Variants in DOCK5 observed in about 807,000 individuals in gnomAD.
The protein encoded by DOCK5 is dedicator of cytokinesis 5.
DOCK5 carries 142 observed loss-of-function variants against 251.8 expected under a neutral mutation model. That is an observed-to-expected ratio of 0.56 (90% CI 0.49 to 0.65). DOCK5 has a LOEUF of 0.65. Ranked by LOEUF, DOCK5 falls within the 30% of genes least tolerant of loss-of-function variation. The pLI, the probability that DOCK5 is intolerant of heterozygous loss-of-function variation, is 0.00. For synonymous variants in DOCK5, 842 were observed against 835.5 expected (o/e 1.01, Z -0.13); for missense variants, 2,111 against 2,312.3 (o/e 0.91, Z 1.79).
Position 25,345,631 on chromosome 8 carries a change from A to G in DOCK5, c.2754+20A>G, listed in dbSNP as rs753443336. Reference sequence around the variant, plus strand: ...GATGTGGTGAGTTGAGTCATCACTGATGCTGCACAGAGTTCACACTGTCCC... The same window carrying G: ...GATGTGGTGAGTTGAGTCATCACTGGTGCTGCACAGAGTTCACACTGTCCC... On this transcript the variant is annotated intron_variant, in intron 26 of 51. Transcript: ENST00000276440. The G allele has an allele frequency of 8.7e-6, 14 of 1,613,134 alleles. No individual in the cohort carries two copies. Among genetic ancestry groups the G allele is most frequent in the Non-Finnish European group, 1.2e-5 (14 of 1,179,650 alleles).
intron 22 of DOCK5, among the ~76,000 whole-genome samples, chr8:25,340,026 C>A (rs34499771): frequency 0.17 from 25,963 of 151,838 alleles, 2,251 homozygotes; most frequent in South Asian, 0.27. Context: ...TTTGATGGGG[C>A]AATGAGAGAA....
chr8:25,192,425 G>A (rs1295342741), intron 1 of DOCK5, among the ~76,000 whole-genome samples: 1 of 152,182 alleles, frequency 6.6e-6, no homozygotes, highest in Non-Finnish European at 1.5e-5. Flanking sequence ...CTTGTTCATC[G>A]TCACCTTGGT....
intron 3 of DOCK5, among the ~76,000 whole-genome samples, chr8:25,269,218 C>A (rs562189150): frequency 1.3e-5 from 2 of 152,306 alleles, no homozygotes; most frequent in South Asian, 4.1e-4. Flanking sequence ...ACCCTTCTCC[C>A]TTTGTCCTTT....
intron 11 of DOCK5, 136 bp downstream of exon 11, chr8:25,304,463 G>C: frequency 1.4e-6 from 1 of 719,192 alleles, no homozygotes; most frequent in Non-Finnish European, 2.2e-6. Context: ...TGTCAGATAG[G>C]AGCTGAACAG....
intron 1 of DOCK5, among the ~76,000 whole-genome samples, chr8:25,229,185 A>C (rs1648037145): frequency 6.6e-6 from 1 of 152,214 alleles, no homozygotes; most frequent in South Asian, 2.1e-4. Context: ...TTCTTGACTT[A>C]AACAAATTGC....
chr8:25,189,265 C>T (rs1801516238), intron 1 of DOCK5, among the ~76,000 whole-genome samples: 1 of 152,034 alleles, frequency 6.6e-6, no homozygotes. Context: ...TCTATATTGT[C>T]CAGGCTGATC....
chr8:25,403,504 T>G, intron 47 of DOCK5, 54 bp from the exon 48 acceptor site: 1 of 1,592,518 alleles, frequency 6.3e-7, no homozygotes, highest in South Asian at 1.1e-5. Flanking sequence ...CTGTGGCCAG[T>G]TCATAGGGGC....
Position 25,267,982 on chromosome 8 carries a change from C to T in DOCK5, c.128-863C>T, listed in dbSNP as rs558464503. On this transcript the variant is annotated intron_variant, in intron 2 of 51. Coordinates refer to ENST00000276440, the MANE Select transcript of DOCK5 (RefSeq NM_024940.8). The stretch of plus-strand genomic sequence containing the variant: ...GGTGCAAGAGATTCTCCTGCCTCAG[C>T]CTCCTGAGTAGCTGGGATTACAGGG... Among the ~76,000 whole-genome samples the T allele has an allele frequency of 1.4e-4, 21 of 152,118 alleles. No individual in the cohort carries two copies. In the East Asian group the frequency reaches 1.9e-3, roughly 14 times the overall value.
At chr8:25,300,439 G>C (rs958132655) in intron 8 of DOCK5, 137 bp from the exon 9 acceptor site, 47 of 722,844 alleles carry the variant, frequency 6.5e-5, no homozygotes, top group Admixed American at 1.1e-4. Context: ...CAACTCAGCT[G>C]TTTTCACACC....
At chr8:25,222,273 G>A (rs1802411771) in intron 1 of DOCK5, among the ~76,000 whole-genome samples, 1 of 152,190 alleles carries the variant, frequency 6.6e-6, no homozygotes, top group South Asian at 2.1e-4. Flanking sequence ...TTTCAAACGG[G>A]ATCTGAGAGG....
At chr8:25,344,326 G>A (rs1296636554) in intron 25 of DOCK5, among the ~76,000 whole-genome samples, 1 of 152,212 alleles carries the variant, frequency 6.6e-6, no homozygotes, top group Non-Finnish European at 1.5e-5. Flanking sequence ...AGACTTGCTA[G>A]AGTGAGGCAG....
chr8:25,330,233 T>C (rs1586334249), intron 18 of DOCK5, among the ~76,000 whole-genome samples: 1 of 152,148 alleles, frequency 6.6e-6, no homozygotes, highest in East Asian at 1.9e-4. Flanking sequence ...AATGATTGGG[T>C]TGAGCATATT....
At chr8:25,228,955 GCA>G (rs1359849360) in intron 1 of DOCK5, among the ~76,000 whole-genome samples, 4 of 151,578 alleles carry the variant, frequency 2.6e-5, no homozygotes, top group East Asian at 1.9e-4. Flanking sequence ...TGTGGGCTGG[GCA>G]CAGTGTCTCA....
intron 23 of DOCK5, 37 bp from the exon 24 acceptor site, chr8:25,341,702 C>T: frequency 2.0e-6 from 3 of 1,528,402 alleles, no homozygotes; most frequent in Non-Finnish European, 2.7e-6. Context: ...TTTGTCTTGC[C>T]TGGCAACTGA....
intron 11 of DOCK5, 165 bp downstream of exon 11, chr8:25,304,492 C>CAA (rs1391989735): frequency 8.9e-6 from 5 of 564,330 alleles, no homozygotes; most frequent in Non-Finnish European, 1.5e-5. Context: ...ATTCAAAGTC[C>CAA]TTGATGTTGG....
chr8:25,399,792 A>G (rs962921277), intron 45 of DOCK5, 119 bp from the exon 46 acceptor site: 10 of 694,182 alleles, frequency 1.4e-5, no homozygotes, highest in African/African-American at 8.9e-5. Context: ...GAGGAAAGGG[A>G]TGCATTTTTA....
At chr8:25,358,640 C>T (rs1034018747) in intron 27 of DOCK5, among the ~76,000 whole-genome samples, 2 of 152,160 alleles carry the variant, frequency 1.3e-5, no homozygotes, top group Non-Finnish European at 2.9e-5. Context: ...TTCTATACTA[C>T]AGCTCTGTCT....
chr8:25,406,596 A>G (rs2117344472), intron 48 of DOCK5, among the ~76,000 whole-genome samples: 1 of 151,966 alleles, frequency 6.6e-6, no homozygotes, highest in East Asian at 1.9e-4. Context: ...CCTTTTTATT[A>G]TAAGCATTTG....
intron 31 of DOCK5, among the ~76,000 whole-genome samples, chr8:25,367,395 T>C (rs1311847785): frequency 6.6e-6 from 1 of 152,194 alleles, no homozygotes; most frequent in Non-Finnish European, 1.5e-5. Flanking sequence ...TGCATTAAAA[T>C]GCCCTCCAGA....
Sources: allele counts gnomAD v4.1 joint callset (sites outside exome capture counted in the v4.1 genomes callset), GRCh38; gene constraint gnomAD v4.1.1; transcripts MANE v1.5; gene names NCBI Gene and HGNC (gene_info 2026-07-23, HGNC 2026-07-21).